The following SURF4 variants were observed in gnomAD, a reference collection of about 807,000 sequenced individuals.
SURF4 encodes the protein surfeit locus protein 4.
SURF4 carries 3 observed loss-of-function variants against 30.0 expected under a neutral mutation model. That is an observed-to-expected ratio of 0.10 (90% CI 0.05 to 0.26). The LOEUF is 0.26. Among genes scored for constraint, SURF4 ranks in the 10% least tolerant of loss-of-function variants. The pLI is 1.00. For synonymous variants in SURF4, 143 were observed against 139.9 expected (o/e 1.02, Z -0.16); for missense variants, 217 against 350.8 (o/e 0.62, Z 3.05).
upstream of SURF4, chr9:133,376,457 C>T (rs2130248001): frequency 2.1e-5 from 33 of 1,567,542 alleles, no homozygotes; most frequent in Non-Finnish European, 6.9e-6. Context: ...CTCGCCCGTA[C>T]GCGGTCGCTA....
chr9:133,374,632 T>C (rs1203647753), intron 1 of SURF4, among the ~76,000 whole-genome samples: 2 of 152,104 alleles, frequency 1.3e-5, no homozygotes, highest in Non-Finnish European at 2.9e-5. Context: ...ATCAGAATCT[T>C]AGGGAAAAAA....
chr9:133,373,909 C>CAAAAAAAAAAAAA lies in SURF4; in HGVS notation c.48+2000_48+2012dup, dbSNP rs2130215856. 5.9e-3 allele frequency among the ~76,000 whole-genome samples: 278 copies of CAAAAAAAAAAAAA among 47,514 alleles called. 8 individuals are homozygous for CAAAAAAAAAAAAA. Among genetic ancestry groups the CAAAAAAAAAAAAA allele is most frequent in the Non-Finnish European group, 8.9e-3 (183 of 20,632 alleles). 31.2% of individuals were successfully genotyped at this position (47,514 alleles called of 152,430 possible). A position where few individuals can be genotyped will look rare whatever the true frequency, so the allele number is the denominator to read the frequency against. On this transcript the variant is annotated intron_variant, in intron 1 of 5. Transcript: ENST00000371989. ...CTCCAGCCTGAGCGAAATTCTGTCTCAAAAAAAAAAAAAAAAAAAAAAAAA... is the reference window on the plus strand; with the variant it reads ...CTCCAGCCTGAGCGAAATTCTGTCTCAAAAAAAAAAAAAAAAAAAAAAAAAAAAAAAAAAAAAA...
intron 5 of SURF4, among the ~76,000 whole-genome samples, 192 bp downstream of exon 5, chr9:133,364,648 C>T (rs1379226550): frequency 1.3e-5 from 2 of 150,828 alleles, no homozygotes; most frequent in Non-Finnish European, 1.5e-5. Context: ...GCCGAGATCA[C>T]GCACTGCACT....
At chr9:133,364,432 T>G (rs2130102621) in intron 5 of SURF4, among the ~76,000 whole-genome samples, 1 of 152,164 alleles carries the variant, frequency 6.6e-6, no homozygotes, top group African/African-American at 2.4e-5. Flanking sequence ...GGCTCACGCC[T>G]GTAATCCCAG....
chr9:133,364,792 C>T, intron 5 of SURF4, 48 bp downstream of exon 5: 1 of 1,598,028 alleles, frequency 6.3e-7, no homozygotes, highest in Non-Finnish European at 8.6e-7. Context: ...GGGGGAGGGA[C>T]AGCATTCACA....
Position 133,368,457 on chromosome 9 carries a change from G to A in SURF4, c.49-1012C>T, listed in dbSNP as rs1837308924. Among the ~76,000 whole-genome samples the A allele has an allele frequency of 4.6e-5, 7 of 152,272 alleles. No individual in the cohort carries two copies. The South Asian group carries it at 1.4e-3, about 32-fold the overall frequency. On this transcript the variant is annotated intron_variant, in intron 1 of 5. Transcript: ENST00000371989. ...AAGCTCAGGATCTGACGTGGGGACT[G>A]TGTGTGCAGCAACCGTCAGCGCAGC... is the stretch of plus-strand genomic sequence containing the variant.
intron 1 of SURF4, among the ~76,000 whole-genome samples, chr9:133,370,522 GC>G (rs1422604677): frequency 6.6e-6 from 1 of 152,090 alleles, no homozygotes; most frequent in Admixed American, 6.5e-5. Context: ...TAAAGACAAG[GC>G]CCAACATTAA....
rs1269590774 is a variant in SURF4, at chr9:133,375,992, C to T, written c.-23G>A. The T allele has an allele frequency of 4.2e-5, 51 of 1,224,108 alleles. No individual in the cohort carries two copies. Among genetic ancestry groups the T allele is most frequent in the Non-Finnish European group, 5.0e-5 (49 of 980,716 alleles). 75.8% of individuals were successfully genotyped at this position (1,224,108 alleles called of 1,614,324 possible). On this transcript the variant is annotated 5_prime_UTR_variant, in exon 1 of 6. Coordinates refer to ENST00000371989, the MANE Select transcript of SURF4 (RefSeq NM_033161.4). ...CATGGCGACGGCGGGAGGCTCGGCTCGGCTCGCTCGCTCGCTCGCTGGCTC... is the reference window on the plus strand; with the variant it reads ...CATGGCGACGGCGGGAGGCTCGGCTTGGCTCGCTCGCTCGCTCGCTGGCTC...
At chr9:133,367,713 T>C (rs1049362688) in intron 1 of SURF4, among the ~76,000 whole-genome samples, 1 of 152,228 alleles carries the variant, frequency 6.6e-6, no homozygotes, top group African/African-American at 2.4e-5. Flanking sequence ...GCAGATCCTA[T>C]AGGGCAGCAG....
At chr9:133,368,052 G>A (rs1008532152) in intron 1 of SURF4, among the ~76,000 whole-genome samples, 3 of 152,214 alleles carry the variant, frequency 2.0e-5, no homozygotes, top group African/African-American at 7.2e-5. Flanking sequence ...CATCTCCGCT[G>A]CTCTGGTCCA....
upstream of SURF4, among the ~76,000 whole-genome samples, chr9:133,377,488 A>G (rs1838012364): frequency 6.6e-6 from 1 of 152,178 alleles, no homozygotes; most frequent in South Asian, 2.1e-4. Flanking sequence ...CAACATGGAG[A>G]AACTGTCTCT....
chr9:133,362,448 C>G lies in SURF4; in HGVS notation c.*1045G>C, dbSNP rs781841671. The G allele has an allele frequency of 6.6e-6, 1 of 152,658 alleles. No homozygotes were observed. The highest frequency in any genetic ancestry group is 2.4e-5 in the African/African-American group (1 of 41,444). 9.5% of individuals were successfully genotyped at this position (152,658 alleles called of 1,614,324 possible). ...ATAGCAAACGGACAATCTGAGTGAG[C>G]GACAGCCTCAGGAAAGTGGTGTGTC... is the stretch of plus-strand genomic sequence containing the variant. On this transcript the variant is annotated 3_prime_UTR_variant, in exon 6 of 6. Coordinates refer to ENST00000371989, the MANE Select transcript of SURF4 (RefSeq NM_033161.4).
chr9:133,371,564 C>A (rs1837510072), intron 1 of SURF4, among the ~76,000 whole-genome samples: 1 of 152,244 alleles, frequency 6.6e-6, no homozygotes, highest in African/African-American at 2.4e-5. Flanking sequence ...GCCCCGCTAA[C>A]CACAACCTCC....
At chr9:133,374,367 AC>A (rs1195096921) in intron 1 of SURF4, among the ~76,000 whole-genome samples, 1 of 151,948 alleles carries the variant, frequency 6.6e-6, no homozygotes, top group African/African-American at 2.4e-5. Context: ...AGCCTGACCA[AC>A]ATGGAGAAAC....
At chr9:133,365,151 G>C (rs587602201) in intron 4 of SURF4, 125 bp from the exon 5 acceptor site, 3 of 896,880 alleles carry the variant, frequency 3.3e-6, no homozygotes, top group South Asian at 3.6e-5. Context: ...TCCAAACCCA[G>C]TGATCTGCCA....
At chr9:133,367,219 A>C (rs1453132472) in intron 2 of SURF4, 40 bp downstream of exon 2, 1 of 1,603,122 alleles carries the variant, frequency 6.2e-7, no homozygotes, top group African/African-American at 1.3e-5. Flanking sequence ...TCATGGAACA[A>C]GACGCCCAGT....
chr9:133,366,632 G>A lies in SURF4; in HGVS notation c.279C>T (p.Ala93=), dbSNP rs2130129554. 3 of 1,613,806 alleles carry A rather than the reference G, an allele frequency of 1.9e-6. No individual in the cohort carries two copies. The highest frequency in any genetic ancestry group is 2.7e-5 in the African/African-American group (2 of 74,890). The change falls in exon 3 of 6, where the codon GCC becomes GCT. Residue 93 remains alanine (A), a synonymous_variant. Transcript: ENST00000371989. ...LVLSRNFVQY[A]CFGLFGIIAL... ...CTATGATTCCAAAGAGCCCGAAGCA[G>A]GCGTACTGCACGAAGTTCCTGCTCA...
At position 133,363,286 on chromosome 9, in the gene SURF4, G is replaced by T; in HGVS notation, c.*207C>A. On this transcript the variant is annotated 3_prime_UTR_variant, in exon 6 of 6. Transcript: ENST00000371989. This position sits in a 1 kb window ranked among gnomAD's most constrained non-coding sequence, Gnocchi z 4.3. ...AGCTGCCAGGCTGGCCTGCACTGAA[G>T]GGTCAGACGCCAGACTGTGGCTCCA... is the stretch of plus-strand genomic sequence containing the variant. 1.1e-6 allele frequency: 1 copy of T among 892,020 alleles called. No homozygotes were observed. The highest frequency in any genetic ancestry group is 1.5e-5 in the South Asian group (1 of 67,942). 55.3% of individuals were successfully genotyped at this position (892,020 alleles called of 1,614,324 possible).
chr9:133,372,654 C>G, intron 1 of SURF4: 1 of 985,372 alleles, frequency 1.0e-6, no homozygotes, highest in Non-Finnish European at 1.2e-6. Context: ...CTCTTGTTTT[C>G]TGAAGATGTG....
Sources: gnomAD v4.1 joint callset for allele counts (sites outside exome capture counted in the v4.1 genomes callset) on GRCh38, gnomAD v4.1.1 for gene constraint, Gnocchi (gnomAD v3.1) non-coding constraint, MANE v1.5 for transcripts, NCBI Gene and HGNC (gene_info 2026-07-23, HGNC 2026-07-21) for gene names.